The following PPP1R9A variants were observed in gnomAD, a reference collection of about 807,000 sequenced individuals.
PPP1R9A encodes the protein protein phosphatase 1 regulatory subunit 9A.
In PPP1R9A, 59 loss-of-function variants were observed where a neutral mutation model predicts 141.9. That is an observed-to-expected ratio of 0.42 (90% confidence interval 0.34 to 0.52). PPP1R9A has a LOEUF of 0.52. Ranked by LOEUF, PPP1R9A falls within the 20% of genes least tolerant of loss-of-function variation. The probability of loss-of-function intolerance (pLI) is 0.10; values close to 1 mark genes in which losing one functional copy is unlikely to be tolerated. For synonymous variants in PPP1R9A, 500 were observed against 569.7 expected (o/e 0.88, Z 1.74); for missense variants, 1,444 against 1,611.9 (o/e 0.90, Z 1.78).
At chr7:94,961,333 G>A (rs984225062) in intron 2 of PPP1R9A, among the ~76,000 whole-genome samples, 1 of 151,420 alleles carries the variant, frequency 6.6e-6, no homozygotes, top group African/African-American at 2.4e-5. Flanking sequence ...ATCATATCAT[G>A]AATAATAATA....
chr7:95,129,135 A>G (rs933858286), intron 4 of PPP1R9A, among the ~76,000 whole-genome samples: 1 of 151,970 alleles, frequency 6.6e-6, no homozygotes, highest in African/African-American at 2.4e-5. Context: ...ATTTTTGTCA[A>G]TTTTGTCAAA....
chr7:95,210,569 G>A (rs1353635167), intron 7 of PPP1R9A, among the ~76,000 whole-genome samples: 3 of 151,876 alleles, frequency 2.0e-5, no homozygotes, highest in East Asian at 1.9e-4. Context: ...CGGTTCAAGC[G>A]ATTCTCCTGC....
chr7:95,274,816 C>G (rs1802864365), intron 16 of PPP1R9A, among the ~76,000 whole-genome samples: 1 of 152,140 alleles, frequency 6.6e-6, no homozygotes, highest in Non-Finnish European at 1.5e-5. Flanking sequence ...AGCCCAGCTG[C>G]CTGGATTTGA....
At chr7:95,073,287 A>G (rs1019458555) in intron 2 of PPP1R9A, among the ~76,000 whole-genome samples, 1 of 151,854 alleles carries the variant, frequency 6.6e-6, no homozygotes, top group Admixed American at 6.6e-5. Flanking sequence ...TGCCTGGCCT[A>G]CTTTTATATT....
intron 2 of PPP1R9A, among the ~76,000 whole-genome samples, chr7:95,083,360 C>T (rs900945814): frequency 6.6e-6 from 1 of 151,246 alleles, no homozygotes; most frequent in African/African-American, 2.5e-5. Flanking sequence ...GGGCAAGACA[C>T]CTGTCACATT....
chr7:94,968,014 C>G (rs1293051038), intron 2 of PPP1R9A, among the ~76,000 whole-genome samples: 1 of 152,126 alleles, frequency 6.6e-6, no homozygotes, highest in East Asian at 1.9e-4. Flanking sequence ...GTGAAGTGTT[C>G]AAGTCTCCCA....
intron 2 of PPP1R9A, among the ~76,000 whole-genome samples, chr7:95,073,972 G>T (rs564463282): frequency 1.4e-4 from 21 of 152,284 alleles, no homozygotes; most frequent in African/African-American, 4.8e-4. Flanking sequence ...AAGATATGTT[G>T]TAAGAATGAT....
At chr7:95,253,751 TA>T (rs1229476927) in intron 12 of PPP1R9A, among the ~76,000 whole-genome samples, 1 of 152,154 alleles carries the variant, frequency 6.6e-6, no homozygotes, top group Non-Finnish European at 1.5e-5. Flanking sequence ...TTATAATTTT[TA>T]TACCTGGAAC....
intron 2 of PPP1R9A, among the ~76,000 whole-genome samples, chr7:95,063,013 C>T (rs1018295958): frequency 1.3e-5 from 2 of 152,066 alleles, no homozygotes; most frequent in Non-Finnish European, 2.9e-5. Context: ...TGAAGCAGAG[C>T]TGAAAGTCTA....
chr7:95,145,015 T>C (rs1043337767), intron 4 of PPP1R9A, among the ~76,000 whole-genome samples: 7 of 152,190 alleles, frequency 4.6e-5, no homozygotes, highest in African/African-American at 1.4e-4. Flanking sequence ...TACTTTGTAA[T>C]ATATTTAACT....
intron 2 of PPP1R9A, among the ~76,000 whole-genome samples, chr7:95,039,283 AAGG>A (rs1240727237): frequency 6.6e-6 from 1 of 152,162 alleles, no homozygotes; most frequent in Non-Finnish European, 1.5e-5. Context: ...AAAAAATTAA[AAGG>A]AGGCCAGGCA....
chr7:94,962,809 G>A (rs1797781599), intron 2 of PPP1R9A, among the ~76,000 whole-genome samples: 1 of 152,098 alleles, frequency 6.6e-6, no homozygotes, highest in Non-Finnish European at 1.5e-5. Flanking sequence ...AAAGGACTAA[G>A]TATATTCCTG....
At chr7:94,934,697 C>T (rs1015624938) in intron 2 of PPP1R9A, among the ~76,000 whole-genome samples, 3 of 151,814 alleles carry the variant, frequency 2.0e-5, no homozygotes, top group African/African-American at 7.3e-5. Flanking sequence ...GTTTCTGGAA[C>T]TACATATATG....
chr7:94,964,848 G>C (rs1798028045), intron 2 of PPP1R9A, among the ~76,000 whole-genome samples: 2 of 152,276 alleles, frequency 1.3e-5, no homozygotes, highest in Admixed American at 1.3e-4. Flanking sequence ...CCAGTAATGG[G>C]ATTGCTGAGT....
intron 2 of PPP1R9A, among the ~76,000 whole-genome samples, chr7:94,913,791 G>A (rs931781382): frequency 6.6e-6 from 1 of 152,102 alleles, no homozygotes; most frequent in Non-Finnish European, 1.5e-5. Flanking sequence ...CTTATCATGT[G>A]TGTTCTCTCA....
At chr7:95,062,365 C>G (rs962183814) in intron 2 of PPP1R9A, among the ~76,000 whole-genome samples, 24 of 151,842 alleles carry the variant, frequency 1.6e-4, no homozygotes, top group African/African-American at 5.6e-4. Flanking sequence ...ATGTCCTGTG[C>G]AGGTCTTTCT....
At chr7:94,937,796 G>C (rs1198668271) in intron 2 of PPP1R9A, among the ~76,000 whole-genome samples, 1 of 152,160 alleles carries the variant, frequency 6.6e-6, no homozygotes, top group African/African-American at 2.4e-5. Context: ...CTTAGGCTGA[G>C]TTTACTGGTT....
chr7:95,027,800 T>A (rs2151788150), intron 2 of PPP1R9A, among the ~76,000 whole-genome samples: 1 of 152,298 alleles, frequency 6.6e-6, no homozygotes, highest in East Asian at 1.9e-4. Flanking sequence ...TAGTTTAATA[T>A]ATCTAAACAT....
chr7:94,978,618 G>A (rs1034272446), intron 2 of PPP1R9A, among the ~76,000 whole-genome samples: 4 of 151,630 alleles, frequency 2.6e-5, no homozygotes, highest in Non-Finnish European at 4.4e-5. Context: ...TGGTTTCTTC[G>A]CTGAGTGCTT....
Sources: allele counts gnomAD v4.1 joint callset (sites outside exome capture counted in the v4.1 genomes callset), GRCh38; gene constraint gnomAD v4.1.1; transcripts MANE v1.5; gene names NCBI Gene and HGNC (gene_info 2026-07-23, HGNC 2026-07-21).